KCNAB1: variants seen among roughly 807,000 people sequenced by gnomAD.
KCNAB1 encodes potassium voltage-gated channel subfamily A regulatory beta subunit 1.
In KCNAB1, 35 loss-of-function variants were observed where a neutral mutation model predicts 64.6. That is an observed-to-expected ratio of 0.54 (90% CI 0.41 to 0.72). KCNAB1 has a LOEUF of 0.72. KCNAB1 is among the 30% of genes least tolerant of loss of function. The pLI is 0.00. For synonymous variants in KCNAB1, 177 were observed against 183.8 expected (o/e 0.96, Z 0.30); for missense variants, 401 against 512.9 (o/e 0.78, Z 2.11).
chr3:156,416,757 T>A (rs1576838284), intron 1 of KCNAB1, among the ~76,000 whole-genome samples: 1 of 152,196 alleles, frequency 6.6e-6, no homozygotes, highest in Non-Finnish European at 1.5e-5. Flanking sequence ...ACCTAATTAA[T>A]TAATTATAGG....
chr3:156,120,818 C>G lies in KCNAB1; in HGVS notation c.207C>G (p.Asn69Lys), dbSNP rs72558049. 231 of 1,614,258 alleles carry G rather than the reference C, an allele frequency of 1.4e-4. 2 individuals carry two copies. In the East Asian group the frequency reaches 3.9e-3, roughly 27 times the overall value. Residue 69 changes from asparagine to lysine, a missense_variant, in exon 1 of 14, where the codon AAC becomes AAG. By Grantham distance (94) the Asn-to-Lys change is moderately conservative (BLOSUM62 0). Transcript: ENST00000490337. ...CTCTGCTGCGCGAAGTGGAGATGAA[C>G]TGGTACCTAAAGCTCTGCGACCTGT... ...QLALLREVEM[N>K]WYLKLCDLSS...
At chr3:156,499,759 G>A (rs1716260226) in intron 8 of KCNAB1, among the ~76,000 whole-genome samples, 2 of 152,062 alleles carry the variant, frequency 1.3e-5, no homozygotes, top group African/African-American at 4.8e-5. Flanking sequence ...TACGGCTGTG[G>A]CAAAACATAA....
At position 156,508,032 on chromosome 3, in the gene KCNAB1, A is replaced by G. The variant is rs1364595959; in HGVS notation, c.659-6332A>G. ...CTGGAAATGTGAAAAATTAAGAACA[A>G]AATTGCATGTAATTCCACTAAATAA... On this transcript the variant is annotated intron_variant, in intron 8 of 13. Transcript: ENST00000490337. The surrounding 1 kb of genome is among the most constrained non-coding windows in gnomAD (Gnocchi z 4.1). 6.6e-6 allele frequency among the ~76,000 whole-genome samples: 1 copy of G among 152,204 alleles called. No individual in the cohort carries two copies. The highest frequency in any genetic ancestry group is 1.9e-4 in the East Asian group (1 of 5,208).
chr3:156,348,775 G>A (rs981670913), intron 1 of KCNAB1, among the ~76,000 whole-genome samples: 9 of 152,128 alleles, frequency 5.9e-5, no homozygotes, highest in Non-Finnish European at 1.5e-5. Flanking sequence ...CTAGGACTGA[G>A]GCCTGGTTTG....
chr3:156,355,130 TG>T (rs1725146385), intron 1 of KCNAB1, among the ~76,000 whole-genome samples: 1 of 152,226 alleles, frequency 6.6e-6, no homozygotes, highest in African/African-American at 2.4e-5. Context: ...AGATTAATCA[TG>T]TGTCACACAA....
chr3:156,425,159 G>A (rs536068120), intron 2 of KCNAB1, among the ~76,000 whole-genome samples: 3 of 152,334 alleles, frequency 2.0e-5, no homozygotes, highest in Non-Finnish European at 2.9e-5. Context: ...GCTCAGTCAC[G>A]ACCTACGTTC....
At chr3:156,337,017 T>G (rs1254098599) in intron 1 of KCNAB1, among the ~76,000 whole-genome samples, 1 of 151,728 alleles carries the variant, frequency 6.6e-6, no homozygotes, top group Non-Finnish European at 1.5e-5. Flanking sequence ...AAAATCAGAG[T>G]TTTATAAGTG....
At chr3:156,220,958 A>G (rs1001466137) in intron 1 of KCNAB1, among the ~76,000 whole-genome samples, 1 of 152,212 alleles carries the variant, frequency 6.6e-6, no homozygotes, top group Non-Finnish European at 1.5e-5. Flanking sequence ...CCCCAGCACC[A>G]TTTATTAAAT....
At position 156,236,947 on chromosome 3, in the gene KCNAB1, T is replaced by C. The variant is rs565418569; in HGVS notation, c.275+116061T>C. Among the ~76,000 whole-genome samples the C allele has an allele frequency of 5.3e-5, 8 of 152,296 alleles. No individual in the cohort carries two copies. In the East Asian group the frequency reaches 1.5e-3, roughly 29 times the overall value. ...CAAAAGTCTTGCAAATAGGATCTAG[T>C]AAAAGGCTGAGTTAAAAGAATGTTT... is the stretch of plus-strand genomic sequence containing the variant. On this transcript the variant is annotated intron_variant, in intron 1 of 13. Coordinates refer to ENST00000490337, the MANE Select transcript of KCNAB1 (RefSeq NM_172160.3).
chr3:156,246,146 A>G (rs1164258773), intron 1 of KCNAB1, among the ~76,000 whole-genome samples: 2 of 152,156 alleles, frequency 1.3e-5, no homozygotes, highest in Non-Finnish European at 2.9e-5. Context: ...ATCCCCTATA[A>G]TCATAGCTGG....
At chr3:156,232,780 AG>A in intron 1 of KCNAB1, among the ~76,000 whole-genome samples, 1 of 152,376 alleles carries the variant, frequency 6.6e-6, no homozygotes, top group South Asian at 2.1e-4. Context: ...GAAAGAATGA[AG>A]GGCTGGTAGT....
intron 1 of KCNAB1, chr3:156,143,169 T>C (rs748424161): frequency 7.0e-6 from 11 of 1,574,518 alleles, no homozygotes; most frequent in Non-Finnish European, 9.5e-6. Flanking sequence ...CTTCCTTGGG[T>C]TTTTGAAACA....
chr3:156,356,615 G>T (rs1576767109), intron 1 of KCNAB1, among the ~76,000 whole-genome samples: 1 of 152,242 alleles, frequency 6.6e-6, no homozygotes, highest in East Asian at 1.9e-4. Context: ...AACTTTTGAA[G>T]CTCCCTTTCT....
At chr3:156,525,410 T>C (rs536495483) in intron 12 of KCNAB1, among the ~76,000 whole-genome samples, 1 of 152,112 alleles carries the variant, frequency 6.6e-6, no homozygotes, top group Admixed American at 6.5e-5. Context: ...TTTTTAAAAA[T>C]AGAAAAAAAG....
intron 1 of KCNAB1, among the ~76,000 whole-genome samples, chr3:156,332,125 A>G (rs1042787352): frequency 6.6e-6 from 1 of 152,214 alleles, no homozygotes; most frequent in Non-Finnish European, 1.5e-5. Flanking sequence ...TAAACTATGA[A>G]TAGTATGTGG....
intron 2 of KCNAB1, among the ~76,000 whole-genome samples, chr3:156,443,581 T>C (rs1717164958): frequency 6.6e-6 from 1 of 152,174 alleles, no homozygotes; most frequent in Non-Finnish European, 1.5e-5. Flanking sequence ...AGCTGATGTA[T>C]GTAAAGCACC....
At chr3:156,139,054 C>T (rs9856468) in intron 1 of KCNAB1, among the ~76,000 whole-genome samples, 84,667 of 152,042 alleles carry the variant, frequency 0.56, 24,283 homozygotes, top group Admixed American at 0.71. Context: ...TCCTGAGACA[C>T]AGAAGGAAAG....
chr3:156,246,057 G>A (rs1331930180), intron 1 of KCNAB1, among the ~76,000 whole-genome samples: 1 of 152,112 alleles, frequency 6.6e-6, no homozygotes, highest in African/African-American at 2.4e-5. Flanking sequence ...TTTCTGCAGA[G>A]ATGAAGAATT....
chr3:156,452,951 G>A lies in KCNAB1; in HGVS notation c.357+15G>A. On this transcript the variant is annotated intron_variant, in intron 3 of 13. Coordinates refer to ENST00000490337, the MANE Select transcript of KCNAB1 (RefSeq NM_172160.3). This position sits in a 1 kb window ranked among gnomAD's most constrained non-coding sequence, Gnocchi z 4.6. ...TTTCAGATGAGGTAAGTTACCTTTG[G>A]CCTCTATTATGCTAATGAAAGAAAA... 1 of 1,592,940 alleles carries A rather than the reference G, an allele frequency of 6.3e-7. No individual in the cohort carries two copies. The highest frequency in any genetic ancestry group is 8.6e-7 in the Non-Finnish European group (1 of 1,164,038).
Sources: allele counts gnomAD v4.1 joint callset (sites outside exome capture counted in the v4.1 genomes callset), GRCh38; gene constraint gnomAD v4.1.1; non-coding constraint Gnocchi (gnomAD v3.1); transcripts MANE v1.5; gene names NCBI Gene and HGNC (gene_info 2026-07-23, HGNC 2026-07-21).